TMEM117: variants seen among roughly 807,000 people sequenced by gnomAD.
The protein encoded by TMEM117 is transmembrane protein 117.
A neutral mutation model predicts 52.4 loss-of-function variants in TMEM117; 27 were observed. The observed-to-expected ratio is 0.51, with a 90% CI of 0.38 to 0.71. The LOEUF (loss-of-function observed/expected upper bound fraction) is 0.71, where lower values mean the gene tolerates loss of function less well. Ranked by LOEUF, TMEM117 falls within the 30% of genes least tolerant of loss-of-function variation. TMEM117 has a pLI of 0.00. For synonymous variants in TMEM117, 215 were observed against 206.3 expected (o/e 1.04, Z -0.36); for missense variants, 556 against 630.5 (o/e 0.88, Z 1.26).
chr12:44,150,997 G>A lies in TMEM117; in HGVS notation c.510+7373G>A, dbSNP rs189734997. ...ATTCCATAGTATGTGATAGGTATATGTATGCAATTTATATTCATTTATTAA... is the reference window on the plus strand; with the variant it reads ...ATTCCATAGTATGTGATAGGTATATATATGCAATTTATATTCATTTATTAA... On this transcript the variant is annotated intron_variant, in intron 4 of 7. Transcript: ENST00000266534. 2.6e-5 allele frequency among the ~76,000 whole-genome samples: 4 copies of A among 152,128 alleles called. 1 individual carries two copies. In the South Asian group the frequency reaches 6.2e-4, roughly 24 times the overall value.
the TMEM117 span, among the ~76,000 whole-genome samples, chr12:43,823,513 A>C: frequency 0.13 from 19,117 of 151,904 alleles, 1,339 homozygotes; most frequent in African/African-American, 0.16. Flanking sequence ...TTATTTCTTT[A>C]TTTATTTATT....
upstream of TMEM117, among the ~76,000 whole-genome samples, chr12:43,831,247 T>C (rs1942979499): frequency 6.6e-6 from 1 of 152,196 alleles, no homozygotes. Flanking sequence ...CCGACTGACC[T>C]ATTGGAAGTT....
the TMEM117 span, among the ~76,000 whole-genome samples, chr12:43,819,469 C>T: frequency 2.0e-5 from 3 of 152,040 alleles, no homozygotes; most frequent in African/African-American, 4.8e-5. Flanking sequence ...GTACCCATGA[C>T]TGGGTGGTTA....
At chr12:44,173,636 A>G (rs933808305) in intron 4 of TMEM117, among the ~76,000 whole-genome samples, 1 of 150,918 alleles carries the variant, frequency 6.6e-6, no homozygotes, top group South Asian at 2.1e-4. Flanking sequence ...TAGGTTCTTA[A>G]TATAGATAAT....
At chr12:43,823,642 T>C in the TMEM117 span, among the ~76,000 whole-genome samples, 1 of 152,158 alleles carries the variant, frequency 6.6e-6, no homozygotes, top group Non-Finnish European at 1.5e-5. Flanking sequence ...GGCTCCCAAG[T>C]AGCTGGGACT....
chr12:44,361,189 C>T (rs1165636819), intron 6 of TMEM117, among the ~76,000 whole-genome samples: 1 of 152,098 alleles, frequency 6.6e-6, no homozygotes, highest in Non-Finnish European at 1.5e-5. Flanking sequence ...ACTAAAAACT[C>T]CACGCTATAA....
At chr12:44,353,397 C>G (rs1358737372) in intron 6 of TMEM117, among the ~76,000 whole-genome samples, 1 of 152,088 alleles carries the variant, frequency 6.6e-6, no homozygotes, top group Non-Finnish European at 1.5e-5. Context: ...ATGGTATTGC[C>G]TAGGTTTTCT....
the TMEM117 span, among the ~76,000 whole-genome samples, chr12:43,799,821 A>C: frequency 6.6e-6 from 1 of 152,114 alleles, no homozygotes; most frequent in Non-Finnish European, 1.5e-5. Context: ...CTTCTGGAGA[A>C]AACTGCCCAA....
rs768855070 is a variant in TMEM117, at chr12:44,192,831, T to C, written c.511-18459T>C. 1.2e-4 allele frequency among the ~76,000 whole-genome samples: 19 copies of C among 152,190 alleles called. 1 individual carries two copies. Among genetic ancestry groups the C allele is most frequent in the Non-Finnish European group, 2.2e-4 (15 of 68,028 alleles). ...CCTCTCCAAGCTGTCTGGTTATATT[T>C]TCCTGTTCTATAAAATTGGGAACAT... is the stretch of plus-strand genomic sequence containing the variant. On this transcript the variant is annotated intron_variant, in intron 4 of 7. Coordinates refer to ENST00000266534, the MANE Select transcript of TMEM117 (RefSeq NM_032256.3).
At chr12:44,180,509 C>T (rs1949180153) in intron 4 of TMEM117, among the ~76,000 whole-genome samples, 1 of 116,412 alleles carries the variant, frequency 8.6e-6, no homozygotes, top group South Asian at 3.6e-4. Context: ...CCCCCTCCCC[C>T]CACCCCACAA....
chr12:44,387,444 A>G (rs1367145315), intron 7 of TMEM117, among the ~76,000 whole-genome samples: 1 of 152,052 alleles, frequency 6.6e-6, no homozygotes, highest in Non-Finnish European at 1.5e-5. Flanking sequence ...CATTTTGTTC[A>G]ATGAGAATTT....
rs1000570093 is a variant in TMEM117, at chr12:43,897,974, G to A, written c.278-46236G>A. Among the ~76,000 whole-genome samples the A allele has an allele frequency of 1.6e-4, 25 of 151,856 alleles. No homozygotes were observed. In the East Asian group the frequency reaches 3.1e-3, roughly 19 times the overall value. The stretch of plus-strand genomic sequence containing the variant: ...ATGACCCTTGTCTAATTCCCATGGC[G>A]TCGGCTGTCAAGGCTATGAATGTGA... On this transcript the variant is annotated intron_variant, in intron 2 of 7. Coordinates refer to ENST00000266534, the MANE Select transcript of TMEM117 (RefSeq NM_032256.3).
intron 3 of TMEM117, among the ~76,000 whole-genome samples, chr12:44,016,171 A>C (rs1425438073): frequency 6.6e-6 from 1 of 152,018 alleles, no homozygotes; most frequent in Non-Finnish European, 1.5e-5. Flanking sequence ...CTTTGTTCTT[A>C]TGTCCACTAC....
intron 4 of TMEM117, among the ~76,000 whole-genome samples, chr12:44,159,317 T>C (rs564404062): frequency 6.6e-6 from 1 of 152,292 alleles, no homozygotes; most frequent in African/African-American, 2.4e-5. Context: ...TTTGCCAGCT[T>C]GTTGGACTCT....
chr12:43,926,248 G>C (rs1944777065), intron 2 of TMEM117, among the ~76,000 whole-genome samples: 1 of 152,122 alleles, frequency 6.6e-6, no homozygotes, highest in Non-Finnish European at 1.5e-5. Flanking sequence ...TAAAACATTG[G>C]CTGGCATATC....
upstream of TMEM117, among the ~76,000 whole-genome samples, chr12:43,831,447 TTTTC>T (rs1397905038): frequency 2.0e-5 from 3 of 152,032 alleles, no homozygotes; most frequent in Admixed American, 6.6e-5. Flanking sequence ...GATCTTGTCT[TTTTC>T]TTTTTTTTTT....
chr12:43,821,544 G>A, the TMEM117 span, among the ~76,000 whole-genome samples: 5 of 152,176 alleles, frequency 3.3e-5, no homozygotes, highest in Non-Finnish European at 2.9e-5. Flanking sequence ...GCCTCCCAAA[G>A]TGCTGGGATT....
intron 3 of TMEM117, among the ~76,000 whole-genome samples, chr12:44,122,343 C>G (rs1314227033): frequency 1.3e-5 from 2 of 152,142 alleles, no homozygotes; most frequent in Non-Finnish European, 2.9e-5. Flanking sequence ...CATGCCCAGC[C>G]TCTTTTTCTT....
intron 2 of TMEM117, among the ~76,000 whole-genome samples, chr12:43,917,597 C>T (rs762293507): frequency 3.3e-5 from 5 of 152,076 alleles, no homozygotes; most frequent in Non-Finnish European, 7.4e-5. Flanking sequence ...CTCACCTTTA[C>T]CCATTATGCA....
Sources: gnomAD v4.1 joint callset for allele counts (sites outside exome capture counted in the v4.1 genomes callset) on GRCh38, gnomAD v4.1.1 for gene constraint, MANE v1.5 for transcripts, NCBI Gene and HGNC (gene_info 2026-07-23, HGNC 2026-07-21) for gene names.